The following MAP4K4 variants were observed in gnomAD, a reference collection of about 807,000 sequenced individuals.
MAP4K4 encodes the protein HPK/GCK-like kinase HGK.
Under a neutral mutation model 189.6 loss-of-function variants are expected in MAP4K4, and 38 were observed. The ratio of observed to expected loss-of-function variants is 0.20; its 90% confidence interval spans 0.15 to 0.26. The LOEUF is 0.26. MAP4K4 is among the 10% of genes least tolerant of loss of function. The pLI, the probability that MAP4K4 is intolerant of heterozygous loss-of-function variation, is 1.00. For synonymous variants in MAP4K4, 610 were observed against 624.3 expected, an observed-to-expected ratio of 0.98 and a Z score of 0.34; for missense variants, 1,054 against 1,726.9, an observed-to-expected ratio of 0.61 and a Z score of 6.91.
At chr2:101,891,089 G>T (rs2098558904) in intron 32 of MAP4K4, 77 bp from the exon 33 acceptor site, 5 of 1,115,430 alleles carry the variant, frequency 4.5e-6, no homozygotes. Context: ...TGTTGAGGAT[G>T]ATGGTGGCTT....
chr2:101,784,030 C>T (rs1474233539), intron 2 of MAP4K4, among the ~76,000 whole-genome samples: 1 of 152,158 alleles, frequency 6.6e-6, no homozygotes, highest in Admixed American at 6.5e-5. Context: ...GTTTGCAGCT[C>T]ACATCTTGAG....
At chr2:101,860,244 C>G (rs2097597428) in intron 15 of MAP4K4, 2 of 305,124 alleles carry the variant, frequency 6.6e-6, no homozygotes, top group African/African-American at 4.3e-5. Context: ...TCTGACTTTG[C>G]AGATGTCAAG....
At chr2:101,767,552 A>G (rs1031145818) in intron 2 of MAP4K4, among the ~76,000 whole-genome samples, 10 of 152,198 alleles carry the variant, frequency 6.6e-5, no homozygotes, top group African/African-American at 2.2e-4. Flanking sequence ...ATTTATCTCC[A>G]GAGTGGCCTT....
chr2:101,720,629 T>TC (rs1303792761), intron 2 of MAP4K4, among the ~76,000 whole-genome samples: 6 of 152,222 alleles, frequency 3.9e-5, no homozygotes, highest in African/African-American at 1.4e-4. Context: ...TGGGTTTCTC[T>TC]CATCTTACTC....
At chr2:101,834,139 C>T (rs2149456217) in intron 7 of MAP4K4, among the ~76,000 whole-genome samples, 1 of 151,666 alleles carries the variant, frequency 6.6e-6, no homozygotes, top group African/African-American at 2.4e-5. Context: ...TTAATTAAAT[C>T]AATTTTCTCC....
intron 3 of MAP4K4, among the ~76,000 whole-genome samples, chr2:101,822,936 T>TC (rs1311079765): frequency 2.0e-5 from 3 of 152,220 alleles, no homozygotes; most frequent in African/African-American, 7.2e-5. Flanking sequence ...AGGATGATTT[T>TC]CCCTTTCCTG....
intron 12 of MAP4K4, among the ~76,000 whole-genome samples, chr2:101,845,495 T>TA (rs905947694): frequency 2.0e-5 from 3 of 152,224 alleles, no homozygotes; most frequent in African/African-American, 7.2e-5. Flanking sequence ...ACCTAGATGG[T>TA]ACAGCCTACT....
chr2:101,719,979 T>A (rs532875873), intron 2 of MAP4K4, among the ~76,000 whole-genome samples: 4 of 151,804 alleles, frequency 2.6e-5, no homozygotes, highest in Non-Finnish European at 5.9e-5. Flanking sequence ...GCCACTGCAC[T>A]CCAGCCTGGG....
intron 26 of MAP4K4, among the ~76,000 whole-genome samples, chr2:101,876,450 T>G (rs1400447759): frequency 1.3e-5 from 2 of 152,220 alleles, no homozygotes; most frequent in Admixed American, 6.5e-5. Context: ...GAGAACTGAC[T>G]ACAGTTGTTT....
intron 2 of MAP4K4, among the ~76,000 whole-genome samples, chr2:101,715,886 G>C (rs1363468344): frequency 1.3e-5 from 2 of 152,104 alleles, no homozygotes; most frequent in African/African-American, 4.8e-5. Flanking sequence ...ATTACTGCCT[G>C]AGCTCCACCT....
intron 17 of MAP4K4, 97 bp downstream of exon 17, chr2:101,864,148 A>G: frequency 5.4e-6 from 3 of 558,376 alleles, no homozygotes; most frequent in Non-Finnish European, 8.1e-6. Flanking sequence ...AACTTGACCA[A>G]ATTTAAAGGG....
exon 33 of MAP4K4, chr2:101,891,987 T>TAAAAAAAAAAAAAAAAAA (rs60620198): frequency 3.3e-5 from 2 of 59,816 alleles, no homozygotes; most frequent in African/African-American, 7.3e-5. Context: ...CAGATGGTTC[T>TAAAAAAAAAAAAAAAAAA]AAAAAAAAAA....
chr2:101,827,744 C>T (rs1408828787), intron 5 of MAP4K4, among the ~76,000 whole-genome samples: 1 of 152,176 alleles, frequency 6.6e-6, no homozygotes, highest in Non-Finnish European at 1.5e-5. Context: ...GTTCACATTC[C>T]ACATGGCAGT....
Position 101,863,936 on chromosome 2 carries a change from C to T in MAP4K4, c.1982C>T (p.Pro661Leu). 2.9e-6 allele frequency: 4 copies of T among 1,367,718 alleles called. No homozygotes were observed. In the South Asian group the frequency reaches 4.5e-5, roughly 16 times the overall value. 84.7% of individuals were successfully genotyped at this position (1,367,718 alleles called of 1,614,324 possible). The change falls in exon 17 of 33, where the codon CCA becomes CTA. Residue 661 changes from proline to leucine, a missense_variant. By Grantham distance (98) the Pro-to-Leu change is moderately conservative (BLOSUM62 -3). Transcript: ENST00000324219. ...CACCACCATCTTCGTTCTCAGGACCCATGTCCACCTTCCCGCAGTGAGGTG... is the reference window on the plus strand; with the variant it reads ...CACCACCATCTTCGTTCTCAGGACCTATGTCCACCTTCCCGCAGTGAGGTG...
intron 3 of MAP4K4, among the ~76,000 whole-genome samples, chr2:101,792,619 C>CTCT (rs1291689525): frequency 3.6e-4 from 55 of 151,630 alleles, no homozygotes; most frequent in Non-Finnish European, 7.1e-4. Context: ...CCTCCTCCTC[C>CTCT]TCCTCCTCCT....
intron 16 of MAP4K4, chr2:101,861,833 T>C (rs767666626): frequency 6.6e-6 from 1 of 152,114 alleles, no homozygotes; most frequent in Non-Finnish European, 1.5e-5. Context: ...AGGAACAAGT[T>C]CTTAAACTCG....
At chr2:101,699,166 G>T (rs1466538276) in intron 2 of MAP4K4, among the ~76,000 whole-genome samples, 1 of 152,186 alleles carries the variant, frequency 6.6e-6, no homozygotes, top group Non-Finnish European at 1.5e-5. Flanking sequence ...CTGTTTGACA[G>T]CTGTGTAATT....
At chr2:101,881,208 T>A (rs2098380117) in intron 27 of MAP4K4, among the ~76,000 whole-genome samples, 1 of 152,256 alleles carries the variant, frequency 6.6e-6, no homozygotes, top group African/African-American at 2.4e-5. Flanking sequence ...AGATTTATTA[T>A]ACCCATTTTG....
chr2:101,794,534 TTTTG>T lies in MAP4K4; in HGVS notation c.180+3764_180+3767del, dbSNP rs373029147. On this transcript the variant is annotated intron_variant, in intron 3 of 32. Transcript: ENST00000324219. ...CACTTATATTCAACATTTGTTAACA[TTTTG>T]TTTGTGTGTGTGTACTGTTATTGAA... is the stretch of plus-strand genomic sequence containing the variant. Among the ~76,000 whole-genome samples the T allele has an allele frequency of 4.6e-4, 70 of 152,362 alleles. No homozygotes were observed. In the East Asian group the frequency reaches 0.012, roughly 25 times the overall value.
Sources: allele counts gnomAD v4.1 joint callset (sites outside exome capture counted in the v4.1 genomes callset), GRCh38; gene constraint gnomAD v4.1.1; transcripts MANE v1.5; gene names NCBI Gene and HGNC (gene_info 2026-07-23, HGNC 2026-07-21).